The following DPP10 variants were observed in gnomAD, a reference collection of about 807,000 sequenced individuals.
DPP10 encodes inactive dipeptidyl peptidase 10.
DPP10 carries 33 observed loss-of-function variants against 120.9 expected under a neutral mutation model. The observed-to-expected ratio is 0.27, with a 90% CI of 0.21 to 0.37. The LOEUF (loss-of-function observed/expected upper bound fraction) is 0.37. Ranked by LOEUF, DPP10 falls within the 10% of genes least tolerant of loss-of-function variation. The probability of loss-of-function intolerance (pLI) is 1.00; values close to 1 mark genes in which losing one functional copy is unlikely to be tolerated. For missense variants in DPP10, 816 were observed against 942.8 expected, an observed-to-expected ratio of 0.87 and a Z score of 1.76; for synonymous variants, 337 against 326.1, an observed-to-expected ratio of 1.03 and a Z score of -0.36.
chr2:115,423,198 C>T (rs748847340), intron 3 of DPP10, among the ~76,000 whole-genome samples: 13 of 151,734 alleles, frequency 8.6e-5, no homozygotes, highest in East Asian at 1.9e-4. Context: ...CATCATGTAA[C>T]GAATATATAA....
intron 1 of DPP10, among the ~76,000 whole-genome samples, chr2:114,470,304 A>G (rs1311393977): frequency 6.6e-6 from 1 of 152,190 alleles, no homozygotes; most frequent in East Asian, 1.9e-4. Flanking sequence ...AGTAGGATTC[A>G]CTATGACAAT....
rs556545997 is a variant in DPP10 at position 115,438,674 on chromosome 2, C to T, written c.272-60836C>T. Among the ~76,000 whole-genome samples, 41 of 152,208 alleles carry T rather than the reference C, an allele frequency of 2.7e-4. 1 individual carries two copies. In the South Asian group the frequency reaches 8.5e-3, roughly 32 times the overall value. ...GACAAACAGTATGATTCCACTAACA[C>T]TATGTACCTAACACAGTCAATTCAT... is the stretch of plus-strand genomic sequence containing the variant. On this transcript the variant is annotated intron_variant, in intron 3 of 25. Transcript: ENST00000410059.
intron 1 of DPP10, among the ~76,000 whole-genome samples, chr2:114,917,453 T>G (rs1475770293): frequency 6.6e-6 from 1 of 151,996 alleles, no homozygotes; most frequent in Non-Finnish European, 1.5e-5. Flanking sequence ...TTTGACAAAA[T>G]TAGAAAAAAG....
chr2:115,599,236 G>A (rs1326069857), intron 5 of DPP10, among the ~76,000 whole-genome samples: 7 of 152,014 alleles, frequency 4.6e-5, no homozygotes, highest in Non-Finnish European at 8.8e-5. Flanking sequence ...GGTAGTTATA[G>A]TCATTATTTC....
At chr2:115,403,432 C>T (rs2068264459) in intron 3 of DPP10, among the ~76,000 whole-genome samples, 1 of 113,860 alleles carries the variant, frequency 8.8e-6, no homozygotes. Context: ...CAGAGTCTCA[C>T]TCTGTTGCCC....
intron 19 of DPP10, among the ~76,000 whole-genome samples, chr2:115,805,372 C>T (rs1028051601): frequency 6.6e-5 from 10 of 152,232 alleles, no homozygotes; most frequent in Non-Finnish European, 1.0e-4. Flanking sequence ...TGACCCCTTG[C>T]GCTTCCCGGG....
chr2:115,071,861 C>T (rs1167378840), intron 1 of DPP10, among the ~76,000 whole-genome samples: 1 of 151,986 alleles, frequency 6.6e-6, no homozygotes, highest in Non-Finnish European at 1.5e-5. Context: ...AAAAAAGTTT[C>T]CATTATTTTT....
At chr2:115,515,583 T>C (rs2077461797) in intron 4 of DPP10, among the ~76,000 whole-genome samples, 1 of 152,118 alleles carries the variant, frequency 6.6e-6, no homozygotes, top group Non-Finnish European at 1.5e-5. Flanking sequence ...TAAAAAAATA[T>C]TTGTACTTAG....
chr2:115,663,138 T>C (rs1334883481), intron 5 of DPP10, among the ~76,000 whole-genome samples: 1 of 152,186 alleles, frequency 6.6e-6, no homozygotes, highest in African/African-American at 2.4e-5. Flanking sequence ...ATTTATCCTT[T>C]GAGTTACAAA....
intron 5 of DPP10, among the ~76,000 whole-genome samples, chr2:115,565,527 T>C (rs1455378003): frequency 2.0e-5 from 3 of 152,056 alleles, no homozygotes; most frequent in Non-Finnish European, 4.4e-5. Context: ...CCAATTGTTC[T>C]AATGTCCTCA....
At chr2:114,687,816 G>A (rs1004055964) in intron 1 of DPP10, among the ~76,000 whole-genome samples, 2 of 152,008 alleles carry the variant, frequency 1.3e-5, no homozygotes, top group Non-Finnish European at 2.9e-5. Flanking sequence ...ATAGACTCGA[G>A]TTCAGGTACT....
chr2:115,141,384 T>C (rs2050919219), intron 1 of DPP10, among the ~76,000 whole-genome samples: 3 of 152,182 alleles, frequency 2.0e-5, no homozygotes, highest in Non-Finnish European at 4.4e-5. Flanking sequence ...ATTATCTTAA[T>C]TGATCTTCCC....
At chr2:115,605,027 A>T (rs760274772) in intron 5 of DPP10, among the ~76,000 whole-genome samples, 1 of 152,184 alleles carries the variant, frequency 6.6e-6, no homozygotes, top group African/African-American at 2.4e-5. Flanking sequence ...GGGTTTCATG[A>T]TCTCTCAACA....
intron 1 of DPP10, among the ~76,000 whole-genome samples, chr2:114,971,850 G>A (rs1699419646): frequency 6.6e-6 from 1 of 152,062 alleles, no homozygotes; most frequent in Non-Finnish European, 1.5e-5. Flanking sequence ...TTTTTATAGT[G>A]AGACATTCAT....
At chr2:115,745,460 T>C (rs1677834067) in intron 9 of DPP10, among the ~76,000 whole-genome samples, 1 of 150,616 alleles carries the variant, frequency 6.6e-6, no homozygotes, top group Non-Finnish European at 1.5e-5. Context: ...CTGTTCTTCA[T>C]GCCAGGTACT....
At chr2:115,140,485 G>A (rs920735904) in intron 1 of DPP10, among the ~76,000 whole-genome samples, 1 of 152,172 alleles carries the variant, frequency 6.6e-6, no homozygotes, top group East Asian at 1.9e-4. Flanking sequence ...TCTTTTCACT[G>A]AGGCAAGAGG....
In DPP10 at chr2:115,467,315, A is replaced by G. The variant is rs554550663; in HGVS notation, c.272-32195A>G. ...AGTGGCTCACGTCTGTAATCCCAGCACTTTGGGAGGCTGAGGCGGACAGAT... is the reference window on the plus strand; with the variant it reads ...AGTGGCTCACGTCTGTAATCCCAGCGCTTTGGGAGGCTGAGGCGGACAGAT... On this transcript the variant is annotated intron_variant, in intron 3 of 25. Coordinates refer to ENST00000410059, the MANE Select transcript of DPP10 (RefSeq NM_020868.6). Among the ~76,000 whole-genome samples, 8 of 152,186 alleles carry G rather than the reference A, an allele frequency of 5.3e-5. 1 individual carries two copies. The highest frequency in any genetic ancestry group is 1.9e-4 in the African/African-American group (8 of 41,532).
intron 3 of DPP10, among the ~76,000 whole-genome samples, chr2:115,418,219 G>C (rs1249109550): frequency 2.0e-5 from 3 of 152,120 alleles, no homozygotes; most frequent in Admixed American, 2.0e-4. Flanking sequence ...TTTTTGGTCT[G>C]GCCAGCTAAA....
chr2:115,808,242 C>G (rs566922273), intron 19 of DPP10, among the ~76,000 whole-genome samples: 2 of 152,250 alleles, frequency 1.3e-5, no homozygotes, highest in African/African-American at 4.8e-5. Context: ...ATAAAGACTA[C>G]TAGAATAATA....
Sources: gnomAD v4.1 joint callset for allele counts (sites outside exome capture counted in the v4.1 genomes callset) on GRCh38, gnomAD v4.1.1 for gene constraint, MANE v1.5 for transcripts, NCBI Gene and HGNC (gene_info 2026-07-23, HGNC 2026-07-21) for gene names.